RERE: variants seen among roughly 807,000 people sequenced by gnomAD.
The protein encoded by RERE is arginine-glutamic acid dipeptide repeats protein.
RERE carries 40 observed loss-of-function variants against 146.1 expected under a neutral mutation model. The observed-to-expected ratio is 0.27, with a 90% confidence interval of 0.21 to 0.36. RERE has a LOEUF of 0.36. Ranked by LOEUF, RERE falls within the 10% of genes least tolerant of loss-of-function variation. The pLI is 1.00. For synonymous variants in RERE, 1,003 were observed against 866.0 expected (o/e 1.16, Z -2.78); for missense variants, 1,933 against 2,138.7 (o/e 0.90, Z 1.90).
intron 2 of RERE, among the ~76,000 whole-genome samples, chr1:8,639,272 C>T (rs1647144485): frequency 6.6e-6 from 1 of 152,114 alleles, no homozygotes; most frequent in South Asian, 2.1e-4. Flanking sequence ...CACTTAGAAT[C>T]CTGACAACTG....
At chr1:8,363,146 C>T (rs1641657704) in intron 15 of RERE, among the ~76,000 whole-genome samples, 2 of 152,240 alleles carry the variant, frequency 1.3e-5, no homozygotes, top group African/African-American at 2.4e-5. Flanking sequence ...ACTTTCTGAG[C>T]GGCAGAAAGT....
At chr1:8,716,327 T>G (rs958364567) in intron 1 of RERE, among the ~76,000 whole-genome samples, 2 of 147,846 alleles carry the variant, frequency 1.4e-5, no homozygotes, top group African/African-American at 5.0e-5. Flanking sequence ...AATTAAAAAA[T>G]TAGCCAAGTG....
intron 12 of RERE, among the ~76,000 whole-genome samples, chr1:8,390,440 G>A (rs1219959346): frequency 1.3e-5 from 2 of 152,122 alleles, no homozygotes; most frequent in African/African-American, 4.8e-5. Context: ...CTCTTCCCCT[G>A]CCCACTAATC....
At chr1:8,586,790 A>T (rs1270011323) in intron 4 of RERE, among the ~76,000 whole-genome samples, 2 of 57,816 alleles carry the variant, frequency 3.5e-5, no homozygotes, top group African/African-American at 1.6e-4. Flanking sequence ...GAACTAAATT[A>T]GAAAATGTAT....
rs1641527640 is a variant in RERE at position 8,360,593 on chromosome 1, G to A, written c.2914C>T (p.Leu972=). ...NLPPPPALKP[L]SSLSTHHPPS... is the part of the protein sequence containing the mutation. Reference sequence around the variant, plus strand: ...GGGTGATGTGTGGACAGGGAGCTCAGGGGCTTCAGGGCTGGAGGGGGAGGC... The same window carrying A: ...GGGTGATGTGTGGACAGGGAGCTCAAGGGCTTCAGGGCTGGAGGGGGAGGC... The change falls in exon 18 of 23, where the codon CTG becomes TTG. Residue 972 remains leucine (L), a synonymous_variant. Transcript: ENST00000400908. The A allele has an allele frequency of 6.7e-7, 1 of 1,502,024 alleles. No individual in the cohort carries two copies. Among genetic ancestry groups the A allele is most frequent in the Non-Finnish European group, 8.9e-7 (1 of 1,125,992 alleles). 93.0% of individuals were successfully genotyped at this position (1,502,024 alleles called of 1,614,324 possible). A position where few individuals can be genotyped will look rare whatever the true frequency, so the allele number is the denominator to read the frequency against.
intron 1 of RERE, among the ~76,000 whole-genome samples, chr1:8,738,568 C>T (rs1640244929): frequency 6.6e-6 from 1 of 152,104 alleles, no homozygotes; most frequent in Admixed American, 6.6e-5. Flanking sequence ...AAGGCAGAGC[C>T]TGCAGCCCTG....
intron 1 of RERE, among the ~76,000 whole-genome samples, chr1:8,702,556 C>G (rs546178665): frequency 6.6e-6 from 1 of 152,234 alleles, no homozygotes; most frequent in South Asian, 2.1e-4. Flanking sequence ...GTAGTTCGGT[C>G]CAAGAAGAAA....
intron 9 of RERE, among the ~76,000 whole-genome samples, chr1:8,496,996 T>C (rs1457186709): frequency 6.6e-6 from 1 of 152,234 alleles, no homozygotes; most frequent in Non-Finnish European, 1.5e-5. Flanking sequence ...ATCTAGGTTT[T>C]AAGCCCCGAA....
At chr1:8,658,748 TC>T (rs1387897996) in intron 1 of RERE, among the ~76,000 whole-genome samples, 1 of 144,664 alleles carries the variant, frequency 6.9e-6, no homozygotes, top group East Asian at 2.0e-4. Flanking sequence ...CGAGAGAGAC[TC>T]CATCTCAAAA....
At chr1:8,802,874 AC>A (rs1475038766) in intron 1 of RERE, among the ~76,000 whole-genome samples, 3 of 152,178 alleles carry the variant, frequency 2.0e-5, no homozygotes, top group Non-Finnish European at 4.4e-5. Context: ...GGTCTTGTTT[AC>A]CTGCAACAAA....
intron 7 of RERE, among the ~76,000 whole-genome samples, chr1:8,516,096 G>GCA (rs1645410537): frequency 1.3e-5 from 2 of 151,590 alleles, no homozygotes; most frequent in South Asian, 4.2e-4. Context: ...GCAGTAGTGG[G>GCA]CACCTATAAT....
At chr1:8,813,861 C>T (rs369310567) in intron 1 of RERE, among the ~76,000 whole-genome samples, 1 of 152,146 alleles carries the variant, frequency 6.6e-6, no homozygotes, top group African/African-American at 2.4e-5. Flanking sequence ...GTGGTCCACT[C>T]GCCTTGGCCT....
chr1:8,792,746 C>G (rs1641385170), intron 1 of RERE, among the ~76,000 whole-genome samples: 1 of 152,212 alleles, frequency 6.6e-6, no homozygotes, highest in African/African-American at 2.4e-5. Context: ...TAGCAACATT[C>G]AATTCCCTAA....
At chr1:8,647,504 T>C (rs1178267544) in intron 2 of RERE, among the ~76,000 whole-genome samples, 1 of 152,222 alleles carries the variant, frequency 6.6e-6, no homozygotes, top group Non-Finnish European at 1.5e-5. Context: ...TCAATAAAAC[T>C]ACCCCACCAC....
At chr1:8,479,198 AAC>A (rs1214619176) in intron 10 of RERE, among the ~76,000 whole-genome samples, 5 of 152,176 alleles carry the variant, frequency 3.3e-5, no homozygotes, top group Non-Finnish European at 7.3e-5. Context: ...CAGCCTGGAC[AAC>A]ACAGTGAGCC....
intron 6 of RERE, among the ~76,000 whole-genome samples, chr1:8,549,358 T>C (rs1424470284): frequency 2.0e-5 from 3 of 152,208 alleles, no homozygotes; most frequent in African/African-American, 7.2e-5. Flanking sequence ...TAGCTCCTAA[T>C]GGCCAAAGCT....
At chr1:8,385,210 G>A (rs879763040) in intron 12 of RERE, among the ~76,000 whole-genome samples, 1 of 152,170 alleles carries the variant, frequency 6.6e-6, no homozygotes, top group Non-Finnish European at 1.5e-5. Flanking sequence ...AAATCAAAAT[G>A]AGTTTCACAT....
At chr1:8,525,049 CTTTT>C (rs987219763) in intron 7 of RERE, among the ~76,000 whole-genome samples, 1 of 152,108 alleles carries the variant, frequency 6.6e-6, no homozygotes, top group African/African-American at 2.4e-5. Flanking sequence ...TCAATGCATA[CTTTT>C]TTTAATTGCC....
intron 4 of RERE, among the ~76,000 whole-genome samples, chr1:8,614,322 T>C (rs1646826467): frequency 6.6e-6 from 1 of 152,110 alleles, no homozygotes; most frequent in Non-Finnish European, 1.5e-5. Context: ...CAGCCCAGCA[T>C]GCTCTCTGCT....
Sources: allele counts gnomAD v4.1 joint callset (sites outside exome capture counted in the v4.1 genomes callset), GRCh38; gene constraint gnomAD v4.1.1; transcripts MANE v1.5; gene names NCBI Gene and HGNC (gene_info 2026-07-23, HGNC 2026-07-21).